Variants in MDGA2 observed in about 807,000 individuals in gnomAD.
The protein encoded by MDGA2 is MAM domain containing glycosylphosphatidylinositol anchor 2.
MDGA2 carries 40 observed loss-of-function variants against 117.8 expected under a neutral mutation model. That is an observed-to-expected ratio of 0.34 (90% CI 0.26 to 0.44). MDGA2 has a LOEUF of 0.44. Among genes scored for constraint, MDGA2 ranks in the 20% least tolerant of loss-of-function variants. The probability of loss-of-function intolerance (pLI) is 1.00; values close to 1 mark genes in which losing one functional copy is unlikely to be tolerated. For missense variants in MDGA2, 1,123 were observed against 1,250.6 expected (o/e 0.90, Z 1.54); for synonymous variants, 452 against 439.0 (o/e 1.03, Z -0.37).
chr14:47,259,431 T>C (rs1887725102), intron 2 of MDGA2, among the ~76,000 whole-genome samples: 1 of 152,064 alleles, frequency 6.6e-6, no homozygotes, highest in Non-Finnish European at 1.5e-5. Context: ...ACCAAAAAGA[T>C]ATGTTTGAGA....
chr14:47,146,131 A>G (rs1259045603), intron 3 of MDGA2, among the ~76,000 whole-genome samples: 3 of 152,208 alleles, frequency 2.0e-5, no homozygotes, highest in South Asian at 2.1e-4. Flanking sequence ...TTAACATAAT[A>G]AAATGCCAAC....
At chr14:47,559,561 GT>G (rs554844160) in intron 1 of MDGA2, among the ~76,000 whole-genome samples, 3 of 149,176 alleles carry the variant, frequency 2.0e-5, no homozygotes, top group Non-Finnish European at 4.5e-5. Flanking sequence ...ATGAGTACAA[GT>G]TTTTTTTTCT....
chr14:47,067,934 C>T (rs1439954100), intron 6 of MDGA2, among the ~76,000 whole-genome samples: 1 of 152,088 alleles, frequency 6.6e-6, no homozygotes, highest in East Asian at 1.9e-4. Flanking sequence ...ACTCACTTCT[C>T]TGTATCTAAC....
At chr14:47,191,448 GA>G (rs1885111275) in intron 3 of MDGA2, among the ~76,000 whole-genome samples, 1 of 147,890 alleles carries the variant, frequency 6.8e-6, no homozygotes, top group Non-Finnish European at 1.5e-5. Flanking sequence ...GAAAATTCTA[GA>G]AATATTATCA....
At chr14:47,398,997 C>T (rs767412223) in intron 1 of MDGA2, among the ~76,000 whole-genome samples, 1 of 152,108 alleles carries the variant, frequency 6.6e-6, no homozygotes, top group Non-Finnish European at 1.5e-5. Context: ...CATTATAGAA[C>T]AAATCTTACT....
chr14:47,375,383 TGGGAATAAC>T (rs1286149926), intron 1 of MDGA2, among the ~76,000 whole-genome samples: 3 of 152,054 alleles, frequency 2.0e-5, no homozygotes, highest in African/African-American at 7.2e-5. Context: ...TGGCAGGTGA[TGGGAATAAC>T]TTGCCAAATA....
chr14:47,132,995 C>A (rs1462707364), intron 4 of MDGA2, among the ~76,000 whole-genome samples: 4 of 151,594 alleles, frequency 2.6e-5, no homozygotes, highest in East Asian at 1.9e-4. Flanking sequence ...TTTTGCAAAT[C>A]TGTCAAATGA....
At chr14:47,443,297 T>C (rs1206068502) in intron 1 of MDGA2, among the ~76,000 whole-genome samples, 1 of 152,076 alleles carries the variant, frequency 6.6e-6, no homozygotes, top group Non-Finnish European at 1.5e-5. Context: ...GGCATTAAAT[T>C]TGTGGGTAGA....
At chr14:47,244,466 ATT>A (rs952957048) in intron 2 of MDGA2, among the ~76,000 whole-genome samples, 1 of 151,638 alleles carries the variant, frequency 6.6e-6, no homozygotes, top group African/African-American at 2.4e-5. Flanking sequence ...TATCTAACAT[ATT>A]TTTTTGGCCA....
chr14:47,516,969 A>G (rs1050783817), intron 1 of MDGA2, among the ~76,000 whole-genome samples: 18 of 152,198 alleles, frequency 1.2e-4, no homozygotes, highest in Non-Finnish European at 2.2e-4. Flanking sequence ...TAATAAAAAA[A>G]TTGCCCCATG....
In MDGA2 at chr14:46,854,832, TAATG is replaced by T. The variant is rs1881202312; in HGVS notation, c.2883+188_2883+191del. On this transcript the variant is annotated intron_variant, in intron 15 of 16. Coordinates refer to ENST00000399232, the MANE Select transcript of MDGA2 (RefSeq NM_001113498.3). ...TTCAAACCAATTACTTGATGAGTAT[TAATG>T]AATAAAGGAAAAGCGCATTTATCTT... 2.0e-5 allele frequency among the ~76,000 whole-genome samples: 3 copies of T among 152,004 alleles called. 1 individual carries two copies. In the South Asian group the frequency reaches 6.2e-4, roughly 31 times the overall value.
At chr14:47,157,726 T>C (rs562487320) in intron 3 of MDGA2, among the ~76,000 whole-genome samples, 1 of 151,374 alleles carries the variant, frequency 6.6e-6, no homozygotes, top group South Asian at 2.1e-4. Flanking sequence ...AGGGACCCAG[T>C]GGGAAGTAAT....
At position 47,674,410 on chromosome 14, in the gene MDGA2, T is replaced by C. The variant is rs1168966968; in HGVS notation, c.280+107A>G. ...ATAACGTGATGAAGTGTAAATCAAA[T>C]GCCACGCCGGGAGGGGCCCCGGAAC... On this transcript the variant is annotated intron_variant, in intron 1 of 16. Transcript: ENST00000399232. The C allele has an allele frequency of 5.5e-6, 5 of 914,066 alleles. No homozygotes were observed. In the South Asian group the frequency reaches 6.1e-5, roughly 11 times the overall value. 56.6% of individuals were successfully genotyped at this position (914,066 alleles called of 1,614,324 possible).
intron 3 of MDGA2, among the ~76,000 whole-genome samples, chr14:47,153,006 C>T (rs1187286619): frequency 6.6e-6 from 1 of 152,134 alleles, no homozygotes; most frequent in Non-Finnish European, 1.5e-5. Flanking sequence ...GAGCCAATAT[C>T]AGATATCCAG....
At chr14:47,440,059 C>A (rs1218240193) in intron 1 of MDGA2, among the ~76,000 whole-genome samples, 1 of 152,032 alleles carries the variant, frequency 6.6e-6, no homozygotes, top group African/African-American at 2.4e-5. Context: ...CAGAAACCTG[C>A]AGGAGTATAG....
intron 1 of MDGA2, among the ~76,000 whole-genome samples, chr14:47,578,032 T>TTA (rs1896148351): frequency 6.6e-6 from 1 of 152,136 alleles, no homozygotes; most frequent in African/African-American, 2.4e-5. Flanking sequence ...TGTCCATCAA[T>TTA]GATAGACTGG....
intron 8 of MDGA2, among the ~76,000 whole-genome samples, chr14:46,967,157 G>T: frequency 6.6e-6 from 1 of 152,076 alleles, no homozygotes; most frequent in Non-Finnish European, 1.5e-5. Context: ...GACAATGGAC[G>T]TTAAATATGC....
At chr14:46,877,627 C>T (rs1882285337) in intron 11 of MDGA2, 118 bp from the exon 12 acceptor site, 1 of 626,638 alleles carries the variant, frequency 1.6e-6, no homozygotes, top group Non-Finnish European at 2.7e-6. Flanking sequence ...ACTTAATGAT[C>T]TTTCCCACTG....
intron 2 of MDGA2, among the ~76,000 whole-genome samples, chr14:47,273,439 G>C (rs1318863048): frequency 6.6e-6 from 1 of 152,092 alleles, no homozygotes; most frequent in Non-Finnish European, 1.5e-5. Context: ...AAAGCTTAAT[G>C]GTGCTTTAAC....
Sources: allele counts gnomAD v4.1 joint callset (sites outside exome capture counted in the v4.1 genomes callset), GRCh38; gene constraint gnomAD v4.1.1; transcripts MANE v1.5; gene names NCBI Gene and HGNC (gene_info 2026-07-23, HGNC 2026-07-21).